Variants in DESI2 observed in about 807,000 individuals in gnomAD.
The protein encoded by DESI2 is deubiquitinase DESI2.
DESI2 carries 10 observed loss-of-function variants against 24.1 expected under a neutral mutation model. The observed-to-expected ratio is 0.41, with a 90% CI of 0.26 to 0.70. DESI2 has a LOEUF of 0.70. DESI2 is among the 30% of genes least tolerant of loss of function. The pLI is 0.29. For missense variants in DESI2, 122 were observed against 234.9 expected (o/e 0.52, Z 3.14); for synonymous variants, 71 against 87.7 (o/e 0.81, Z 1.06).
chr1:244,683,854 C>G (rs966665811), intron 1 of DESI2, among the ~76,000 whole-genome samples: 17 of 150,300 alleles, frequency 1.1e-4, no homozygotes, highest in Non-Finnish European at 2.2e-4. Flanking sequence ...GTAGCTAGGA[C>G]CACGGGTACC....
intron 1 of DESI2, among the ~76,000 whole-genome samples, chr1:244,679,066 TCTCA>T (rs1349862933): frequency 6.6e-6 from 1 of 151,994 alleles, no homozygotes; most frequent in Non-Finnish European, 1.5e-5. Context: ...TGAGACAGGG[TCTCA>T]CTCAGTCGCT....
chr1:244,703,155 C>T (rs973720712), intron 4 of DESI2, among the ~76,000 whole-genome samples: 7 of 151,890 alleles, frequency 4.6e-5, no homozygotes, highest in Admixed American at 6.6e-5. Context: ...GTGTGTGCCA[C>T]CACACCTGGC....
chr1:244,660,703 TG>T, intron 1 of DESI2, among the ~76,000 whole-genome samples: 1 of 152,342 alleles, frequency 6.6e-6, no homozygotes, highest in South Asian at 2.1e-4. Flanking sequence ...GAATGTATTT[TG>T]GTATAGATGT....
intron 1 of DESI2, among the ~76,000 whole-genome samples, chr1:244,682,569 C>CT (rs1185734037): frequency 6.6e-6 from 1 of 152,044 alleles, no homozygotes; most frequent in Non-Finnish European, 1.5e-5. Flanking sequence ...TCTTCTTTTT[C>CT]TTTTTTGTAA....
intron 4 of DESI2, among the ~76,000 whole-genome samples, chr1:244,700,769 A>G (rs1677418761): frequency 6.6e-6 from 1 of 152,238 alleles, no homozygotes; most frequent in Non-Finnish European, 1.5e-5. Flanking sequence ...ATTCTCAGCA[A>G]CAAGAAACAT....
intron 1 of DESI2, among the ~76,000 whole-genome samples, chr1:244,678,703 T>C (rs1676498288): frequency 1.3e-5 from 2 of 152,246 alleles, no homozygotes; most frequent in African/African-American, 2.4e-5. Context: ...TTAAAACCTT[T>C]TGATTATTGT....
intron 1 of DESI2, among the ~76,000 whole-genome samples, chr1:244,673,230 T>A (rs1042750489): frequency 1.3e-5 from 2 of 152,186 alleles, no homozygotes; most frequent in Non-Finnish European, 2.9e-5. Context: ...TAGGAAGCCC[T>A]AACAGGAGCA....
intron 1 of DESI2, among the ~76,000 whole-genome samples, chr1:244,679,840 C>T (rs1676541798): frequency 7.2e-6 from 1 of 139,782 alleles, no homozygotes; most frequent in Non-Finnish European, 1.5e-5. Flanking sequence ...GCACTCCATC[C>T]TGGGTGACAG....
In DESI2 at chr1:244,691,915, A is replaced by T; in HGVS notation, c.246A>T (p.Glu82Asp). 6.3e-7 allele frequency: 1 copy of T among 1,599,588 alleles called. No individual in the cohort carries two copies. The highest frequency in any genetic ancestry group is 8.5e-7 in the Non-Finnish European group (1 of 1,176,910). ...TTTTAGGGAGCACGGACTTCCTAGA[A>T]GATGATATAGAAAAAATTGTAGAAG... is the stretch of plus-strand genomic sequence containing the variant. ...AVVLGSTDFL[E>D]DDIEKIVEEL... The change falls in exon 4 of 5, where the codon GAA (glutamate) becomes GAT (aspartate). Residue 82 changes from glutamate to aspartate, a missense_variant. Around this residue, in one of 6 missense-constraint regions of DESI2, gnomAD observed 23 missense variants for 28.5 expected, o/e 0.81. Transcript: ENST00000302550.
intron 1 of DESI2, among the ~76,000 whole-genome samples, chr1:244,686,229 A>G (rs1676813144): frequency 1.3e-5 from 2 of 151,752 alleles, no homozygotes; most frequent in South Asian, 4.2e-4. Context: ...GATAGGAGAA[A>G]AATAGATATG....
rs781248301 is a variant in DESI2, at chr1:244,691,852, C to T, written c.210-27C>T. ...CACAACTATGTCCTTATTTTTCTTTCTCTTTTTTTTCTTTTTGTTCTTTAA... is the reference window on the plus strand; with the variant it reads ...CACAACTATGTCCTTATTTTTCTTTTTCTTTTTTTTCTTTTTGTTCTTTAA... On this transcript the variant is annotated intron_variant, in intron 3 of 4. Transcript: ENST00000302550. 15 of 1,524,212 alleles carry T rather than the reference C, an allele frequency of 9.8e-6. No individual in the cohort carries two copies. In the African/African-American group the frequency reaches 1.3e-4, roughly 13 times the overall value. 94.4% of individuals were successfully genotyped at this position (1,524,212 alleles called of 1,614,324 possible).
chr1:244,694,397 G>T, intron 4 of DESI2: 1 of 671,370 alleles, frequency 1.5e-6, no homozygotes, highest in Admixed American at 1.9e-5. Context: ...TTTTAAACCG[G>T]AACATCTATT....
Position 244,694,777 on chromosome 1 carries a change from T to G in DESI2, c.351+2757T>G, listed in dbSNP as rs1024261181. The G allele has an allele frequency of 5.3e-6, 3 of 567,804 alleles. No individual in the cohort carries two copies. The African/African-American group carries it at 5.7e-5, about 11-fold the overall frequency. The allele number at this position is 567,804 out of a possible 1,614,324, so 35.2% of individuals were successfully genotyped here. ...ATTAAGTTTTATTAGAACACAGCCA[T>G]GCTTATTTGTTTACCTGTTTCCTTG... On this transcript the variant is annotated intron_variant, in intron 4 of 4. Transcript: ENST00000302550.
At chr1:244,663,284 C>T (rs1317041504) in intron 1 of DESI2, among the ~76,000 whole-genome samples, 1 of 151,978 alleles carries the variant, frequency 6.6e-6, no homozygotes, top group East Asian at 1.9e-4. Flanking sequence ...TCACGCCATT[C>T]TTCTGCCTCA....
At chr1:244,662,440 A>G (rs1418733931) in intron 1 of DESI2, among the ~76,000 whole-genome samples, 1 of 152,170 alleles carries the variant, frequency 6.6e-6, no homozygotes, top group Non-Finnish European at 1.5e-5. Flanking sequence ...TTGGGCTTGC[A>G]CTAAACTTAT....
intron 2 of DESI2, among the ~76,000 whole-genome samples, chr1:244,686,902 TTATC>T (rs1265713097): frequency 2.0e-5 from 3 of 152,216 alleles, no homozygotes; most frequent in African/African-American, 4.8e-5. Flanking sequence ...TTCATTCACT[TTATC>T]TTTTATTCTA....
chr1:244,693,354 G>A (rs1677095456), intron 4 of DESI2, among the ~76,000 whole-genome samples: 1 of 151,946 alleles, frequency 6.6e-6, no homozygotes, highest in South Asian at 2.1e-4. Flanking sequence ...GGCCCAAAGA[G>A]CAATTCTGGA....
At chr1:244,702,108 C>T (rs1219187246) in intron 4 of DESI2, among the ~76,000 whole-genome samples, 3 of 152,196 alleles carry the variant, frequency 2.0e-5, no homozygotes, top group Non-Finnish European at 2.9e-5. Context: ...CACACACAGG[C>T]ATGTAACTAA....
intron 1 of DESI2, among the ~76,000 whole-genome samples, chr1:244,669,568 T>A (rs1341979396): frequency 6.6e-6 from 1 of 151,752 alleles, no homozygotes; most frequent in African/African-American, 2.4e-5. Flanking sequence ...ATCCTAGCTA[T>A]TTGGGAGGCT....
Sources: gnomAD v4.1 joint callset for allele counts (sites outside exome capture counted in the v4.1 genomes callset) on GRCh38, gnomAD v4.1.1 for gene constraint, gnomAD v4.1.1 regional missense constraint, MANE v1.5 for transcripts, NCBI Gene and HGNC (gene_info 2026-07-23, HGNC 2026-07-21) for gene names.